The following LIMS4 variants were observed in gnomAD, a reference collection of about 807,000 sequenced individuals.
LIMS4 encodes LIM zinc finger domain containing 4, also known as LIM and senescent cell antigen-like-containing domain protein 4.
At chr2:110,359,655 AT>A in the LIMS4 span, among the ~76,000 whole-genome samples, 2 of 101,396 alleles carry the variant, frequency 2.0e-5, 1 homozygote, top group African/African-American at 7.3e-5. Context: ...AAGTCAGCTG[AT>A]TTTTTTTTCT....
At chr2:110,426,901 T>TA in the LIMS4 span, among the ~76,000 whole-genome samples, 1 of 131,164 alleles carries the variant, frequency 7.6e-6, no homozygotes, top group Non-Finnish European at 1.5e-5. Flanking sequence ...TTTAGCTCTT[T>TA]AAAAAATCTC....
At chr2:110,368,827 T>A in the LIMS4 span, among the ~76,000 whole-genome samples, 1 of 144,458 alleles carries the variant, frequency 6.9e-6, no homozygotes, top group East Asian at 2.0e-4. Flanking sequence ...TGGTGCAAAC[T>A]GATGCCTGAT....
the LIMS4 span, among the ~76,000 whole-genome samples, chr2:110,407,602 C>T: frequency 1.4e-5 from 2 of 138,330 alleles, no homozygotes; most frequent in African/African-American, 5.5e-5. Flanking sequence ...GCGTGTGAGG[C>T]CCATGCTCTT....
At chr2:110,415,339 CA>C in the LIMS4 span, among the ~76,000 whole-genome samples, 3 of 45,950 alleles carry the variant, frequency 6.5e-5, no homozygotes, top group South Asian at 4.8e-3. Context: ...CTCCTGGATT[CA>C]ATGATTTTTT....
At chr2:110,361,090 G>C in the LIMS4 span, 1 of 810,950 alleles carries the variant, frequency 1.2e-6, no homozygotes, top group South Asian at 1.5e-5. Flanking sequence ...TGGGACTGGG[G>C]ACCTTGGGGT....
the LIMS4 span, chr2:110,375,157 G>GA: frequency 3.6e-5 from 2 of 56,132 alleles, no homozygotes; most frequent in East Asian, 5.6e-4. Context: ...TTTTATTTTG[G>GA]AAAAAAATTT....
the LIMS4 span, among the ~76,000 whole-genome samples, chr2:110,371,772 G>T: frequency 7.0e-5 from 10 of 143,140 alleles, no homozygotes; most frequent in Non-Finnish European, 1.2e-4. Flanking sequence ...GATCAAGAGA[G>T]CCCTGCTGGG....
the LIMS4 span, among the ~76,000 whole-genome samples, chr2:110,371,233 A>T: frequency 1.7e-5 from 2 of 118,176 alleles, 1 homozygote; most frequent in East Asian, 4.9e-4. Context: ...GTTTCTATTA[A>T]TGAGAAAAAA....
the LIMS4 span, among the ~76,000 whole-genome samples, chr2:110,411,474 G>T: frequency 3.3e-3 from 443 of 135,016 alleles, 15 homozygotes; most frequent in East Asian, 8.7e-3. Context: ...TAAAAAAATT[G>T]CTGGCAAAGA....
chr2:110,411,321 C>T, the LIMS4 span, among the ~76,000 whole-genome samples: 2 of 132,310 alleles, frequency 1.5e-5, 1 homozygote, highest in Admixed American at 1.6e-4. Flanking sequence ...CCAGGACATG[C>T]TTAGAAATAT....
chr2:110,366,472 CT>C, the LIMS4 span, among the ~76,000 whole-genome samples: 1 of 151,810 alleles, frequency 6.6e-6, no homozygotes, highest in African/African-American at 2.4e-5. Context: ...GCAAAAAAGA[CT>C]TTTGATAAAA....
At chr2:110,371,707 CT>C in the LIMS4 span, among the ~76,000 whole-genome samples, 1 of 143,496 alleles carries the variant, frequency 7.0e-6, no homozygotes, top group Admixed American at 6.8e-5. Flanking sequence ...AAAGCAGCCC[CT>C]GATGCCAAAG....
chr2:110,382,149 A>C, the LIMS4 span, among the ~76,000 whole-genome samples: 1 of 102,522 alleles, frequency 9.8e-6, no homozygotes, highest in Non-Finnish European at 1.9e-5. Context: ...ATATATATAT[A>C]TACATGTTTG....
At chr2:110,425,006 G>A in the LIMS4 span, among the ~76,000 whole-genome samples, 624 of 143,768 alleles carry the variant, frequency 4.3e-3, 72 homozygotes, top group African/African-American at 0.015. Flanking sequence ...CTTGGGTCCC[G>A]GTCAGCTTTG....
chr2:110,432,875 G>GAT, the LIMS4 span, among the ~76,000 whole-genome samples: 1 of 141,900 alleles, frequency 7.0e-6, no homozygotes, highest in African/African-American at 2.6e-5. Context: ...GAAAGCATTG[G>GAT]ATAGCCCTTA....
chr2:110,396,213 A>G, the LIMS4 span, among the ~76,000 whole-genome samples: 2 of 66,262 alleles, frequency 3.0e-5, 1 homozygote, highest in Non-Finnish European at 5.7e-5. Context: ...GACACACCCT[A>G]TCTCCCTAAA....
At chr2:110,361,165 G>A in the LIMS4 span, 4 of 876,696 alleles carry the variant, frequency 4.6e-6, no homozygotes, top group Non-Finnish European at 5.7e-6. Flanking sequence ...CAGGGTCCTT[G>A]ATGCCATGCG....
the LIMS4 span, among the ~76,000 whole-genome samples, chr2:110,365,854 T>C: frequency 6.9e-6 from 1 of 145,778 alleles, no homozygotes; most frequent in African/African-American, 2.7e-5. Context: ...ACATTATCAA[T>C]GACCCTACAG....
At chr2:110,442,701 CGTT>C (rs1227262112), downstream of LIMS4, among the ~76,000 whole-genome samples, 1,090 of 150,212 alleles carry the variant, frequency 7.3e-3, no homozygotes, top group African/African-American at 0.026. Flanking sequence ...TTGTTGTTGT[CGTT>C]GTTGTTGTTG....
Sources: gnomAD v4.1 joint callset for allele counts (sites outside exome capture counted in the v4.1 genomes callset) on GRCh38, gnomAD v4.1.1 for gene constraint, MANE v1.5 for transcripts, NCBI Gene and HGNC (gene_info 2026-07-23, HGNC 2026-07-21) for gene names.